The following ADGRL3 variants were observed in gnomAD, a reference collection of about 807,000 sequenced individuals.
ADGRL3 encodes adhesion G protein-coupled receptor L3.
ADGRL3 carries 62 observed loss-of-function variants against 153.5 expected under a neutral mutation model. That is an observed-to-expected ratio of 0.40 (90% confidence interval 0.33 to 0.50). ADGRL3 has a LOEUF of 0.50. ADGRL3 is among the 20% of genes least tolerant of loss of function. The probability of loss-of-function intolerance (pLI) is 0.47; values close to 1 mark genes in which losing one functional copy is unlikely to be tolerated. For missense variants in ADGRL3, 1,641 were observed against 1,859.4 expected (o/e 0.88, Z 2.16); for synonymous variants, 710 against 672.5 (o/e 1.06, Z -0.86).
At chr4:61,793,842 C>T (rs1489536448) in intron 8 of ADGRL3, among the ~76,000 whole-genome samples, 1 of 151,874 alleles carries the variant, frequency 6.6e-6, no homozygotes, top group Non-Finnish European at 1.5e-5. Context: ...ATGGTCATGC[C>T]AAAAACAAAT....
At chr4:61,292,516 C>T (rs555282159) in intron 1 of ADGRL3, among the ~76,000 whole-genome samples, 36 of 152,216 alleles carry the variant, frequency 2.4e-4, no homozygotes, top group African/African-American at 8.4e-4. Flanking sequence ...AAACATGCCA[C>T]GTGTGTATGT....
At chr4:61,646,916 A>G (rs2094019792) in intron 5 of ADGRL3, among the ~76,000 whole-genome samples, 1 of 152,140 alleles carries the variant, frequency 6.6e-6, no homozygotes, top group Non-Finnish European at 1.5e-5. Context: ...CTGCTGTGCT[A>G]GCAATCAGCG....
At chr4:61,605,937 C>T (rs2099030601) in intron 5 of ADGRL3, among the ~76,000 whole-genome samples, 1 of 152,076 alleles carries the variant, frequency 6.6e-6, no homozygotes, top group African/African-American at 2.4e-5. Flanking sequence ...TTAAACATGC[C>T]TAAAATAGTC....
chr4:61,416,776 A>T (rs1324658153), intron 2 of ADGRL3, among the ~76,000 whole-genome samples: 3 of 152,128 alleles, frequency 2.0e-5, no homozygotes, highest in African/African-American at 7.2e-5. Flanking sequence ...GGGTGGGATG[A>T]GGTGGTGGAT....
intron 6 of ADGRL3, among the ~76,000 whole-genome samples, chr4:61,698,592 T>G (rs2095687582): frequency 2.0e-5 from 3 of 152,190 alleles, no homozygotes; most frequent in African/African-American, 7.2e-5. Flanking sequence ...TCTTGTGGTA[T>G]TCTCAAGTAT....
intron 4 of ADGRL3, among the ~76,000 whole-genome samples, chr4:61,560,924 G>C (rs1052444372): frequency 6.6e-6 from 1 of 152,078 alleles, no homozygotes; most frequent in Admixed American, 6.6e-5. Flanking sequence ...CAGGTGAAAG[G>C]TCATGGTAAC....
intron 4 of ADGRL3, among the ~76,000 whole-genome samples, chr4:61,543,143 C>A (rs924171932): frequency 1.4e-5 from 2 of 138,610 alleles, no homozygotes; most frequent in East Asian, 2.1e-4. Flanking sequence ...CTCCCCCCCA[C>A]CCCCCCACCT....
chr4:61,458,608 T>G (rs1488001189), intron 2 of ADGRL3, among the ~76,000 whole-genome samples: 1 of 151,556 alleles, frequency 6.6e-6, no homozygotes, highest in African/African-American at 2.4e-5. Flanking sequence ...CTCCCAGATA[T>G]CAACTTATTG....
chr4:61,284,297 T>C (rs1197510491), intron 1 of ADGRL3, among the ~76,000 whole-genome samples: 1 of 151,922 alleles, frequency 6.6e-6, no homozygotes, highest in Non-Finnish European at 1.5e-5. Flanking sequence ...AGCACATTGA[T>C]AGAGTATTAA....
chr4:61,237,739 AAC>A (rs1753380559), intron 1 of ADGRL3, among the ~76,000 whole-genome samples: 1 of 152,194 alleles, frequency 6.6e-6, no homozygotes, highest in Non-Finnish European at 1.5e-5. Flanking sequence ...TGAAAACTGC[AAC>A]ATTTATTTTG....
At chr4:61,721,616 A>T in intron 6 of ADGRL3, among the ~76,000 whole-genome samples, 1 of 152,190 alleles carries the variant, frequency 6.6e-6, no homozygotes, top group East Asian at 1.9e-4. Context: ...CACACCCAGG[A>T]ACAATACTGT....
chr4:61,525,400 C>T (rs1308038833), intron 4 of ADGRL3, among the ~76,000 whole-genome samples: 2 of 152,016 alleles, frequency 1.3e-5, no homozygotes, highest in South Asian at 2.1e-4. Context: ...AACAAGAACA[C>T]GGGGAAAGAA....
Position 61,979,690 on chromosome 4 carries a change from A to T in ADGRL3, c.2933A>T (p.Asn978Ile). The change falls in exon 18 of 27, where the codon AAC becomes ATC. Residue 978 changes from asparagine to isoleucine, a missense_variant. By Grantham distance (149) the Asn-to-Ile change is moderately radical (BLOSUM62 -3). Transcript: ENST00000683033. Reference sequence around the variant, plus strand: ...TTCCGGGGGCTCCAGAGTGACCGTAACACCATCCACAAGAACCTCTGCATC... The same window carrying T: ...TTCCGGGGGCTCCAGAGTGACCGTATCACCATCCACAAGAACCTCTGCATC... ...CFFRGLQSDR[N>I]TIHKNLCISL... The T allele has an allele frequency of 6.2e-7, 1 of 1,613,926 alleles. No homozygotes were observed. Among genetic ancestry groups the T allele is most frequent in the Non-Finnish European group, 8.5e-7 (1 of 1,179,910 alleles).
At chr4:61,424,518 AT>A (rs1236212702) in intron 2 of ADGRL3, among the ~76,000 whole-genome samples, 1 of 151,986 alleles carries the variant, frequency 6.6e-6, no homozygotes, top group Non-Finnish European at 1.5e-5. Context: ...GATGCCCACC[AT>A]CTCTGTGGGG....
intron 1 of ADGRL3, among the ~76,000 whole-genome samples, chr4:61,369,161 C>T (rs1436680255): frequency 6.6e-6 from 1 of 152,170 alleles, no homozygotes; most frequent in African/African-American, 2.4e-5. Flanking sequence ...GATATACAAT[C>T]ATGTCATCTG....
At chr4:61,986,976 T>G (rs541698565) in intron 19 of ADGRL3, among the ~76,000 whole-genome samples, 1 of 152,246 alleles carries the variant, frequency 6.6e-6, no homozygotes, top group South Asian at 2.1e-4. Context: ...CAGGGCTTAA[T>G]CAAGACATCA....
chr4:62,008,498 T>A (rs1278760967), intron 21 of ADGRL3, among the ~76,000 whole-genome samples: 1 of 152,140 alleles, frequency 6.6e-6, no homozygotes, highest in East Asian at 1.9e-4. Context: ...CAGTAGATGT[T>A]TTCTTTTAAA....
At chr4:61,260,747 A>G (rs1052173004) in intron 1 of ADGRL3, among the ~76,000 whole-genome samples, 1 of 151,962 alleles carries the variant, frequency 6.6e-6, no homozygotes, top group Non-Finnish European at 1.5e-5. Context: ...TTTTTTTGAG[A>G]CAGGGACTCA....
At chr4:62,015,541 T>G (rs1327086819) in intron 21 of ADGRL3, among the ~76,000 whole-genome samples, 3 of 152,204 alleles carry the variant, frequency 2.0e-5, no homozygotes, top group Non-Finnish European at 4.4e-5. Flanking sequence ...TTCTTTGTAA[T>G]AGTCATCATC....
Sources: allele counts gnomAD v4.1 joint callset (sites outside exome capture counted in the v4.1 genomes callset), GRCh38; gene constraint gnomAD v4.1.1; transcripts MANE v1.5; gene names NCBI Gene and HGNC (gene_info 2026-07-23, HGNC 2026-07-21).